ZC2HC1B: variants seen among roughly 807,000 people sequenced by gnomAD.
ZC2HC1B encodes the protein zinc finger C2HC-type containing 1B.
A neutral mutation model predicts 31.0 loss-of-function variants in ZC2HC1B; 36 were observed. That is an observed-to-expected ratio of 1.16 (90% CI 0.89 to 1.54). The LOEUF (loss-of-function observed/expected upper bound fraction) is 1.54. ZC2HC1B is among the 40% of genes most tolerant of loss of function. The pLI is 0.00. For missense variants in ZC2HC1B, 260 were observed against 268.6 expected, an observed-to-expected ratio of 0.97 and a Z score of 0.22; for synonymous variants, 73 against 88.0, an observed-to-expected ratio of 0.83 and a Z score of 0.95.
chr6:143,878,382 G>A (rs1777432354), intron 1 of ZC2HC1B, among the ~76,000 whole-genome samples: 1 of 150,662 alleles, frequency 6.6e-6, no homozygotes, highest in African/African-American at 2.5e-5. Context: ...GGAGGCTGAG[G>A]TGGGAGGATC....
chr6:143,867,696 T>C (rs2128492807), intron 1 of ZC2HC1B, among the ~76,000 whole-genome samples: 1 of 152,220 alleles, frequency 6.6e-6, no homozygotes, highest in East Asian at 1.9e-4. Context: ...TAGAACAAAA[T>C]GGGAGCCAGA....
rs1777506631 is a variant in ZC2HC1B, at chr6:143,884,397, C to T, written c.90+32C>T. 6.6e-7 allele frequency: 1 copy of T among 1,517,386 alleles called. No homozygotes were observed. Among genetic ancestry groups the T allele is most frequent in the Admixed American group, 2.0e-5 (1 of 50,246 alleles). The allele number at this position is 1,517,386 out of a possible 1,614,324, so 94.0% of individuals were successfully genotyped here. A position where few individuals can be genotyped will look rare whatever the true frequency, so the allele number is the denominator to read the frequency against. On this transcript the variant is annotated intron_variant, in intron 2 of 7. Transcript: ENST00000237275. The surrounding 1 kb of genome is among the most constrained non-coding windows in gnomAD (Gnocchi z 5.1). The stretch of plus-strand genomic sequence containing the variant: ...ATAAAGACATTTTGTAGATGTGTTT[C>T]ATTGGACTTAAATGAACTGTCAAGT...
Position 143,899,610 on chromosome 6 carries a change from C to T in ZC2HC1B, c.489+919C>T, listed in dbSNP as rs750022964. Reference sequence around the variant, plus strand: ...CAGGCTGGTCTCAAACTCCTGGGCCCAAGCAATCTGCCCTCTTCAGCCTCC... The same window carrying T: ...CAGGCTGGTCTCAAACTCCTGGGCCTAAGCAATCTGCCCTCTTCAGCCTCC... On this transcript the variant is annotated intron_variant, in intron 5 of 7. Coordinates refer to ENST00000237275, the MANE Select transcript of ZC2HC1B (RefSeq NM_001013623.3). The surrounding 1 kb of genome is among the most constrained non-coding windows in gnomAD (Gnocchi z 5.0). Among the ~76,000 whole-genome samples the T allele has an allele frequency of 9.2e-5, 14 of 152,184 alleles. No homozygotes were observed. Among genetic ancestry groups the T allele is most frequent in the Non-Finnish European group, 1.9e-4 (13 of 68,034 alleles).
intron 4 of ZC2HC1B, among the ~76,000 whole-genome samples, chr6:143,891,873 G>A (rs1034723519): frequency 6.7e-6 from 1 of 149,402 alleles, no homozygotes; most frequent in Non-Finnish European, 1.5e-5. Flanking sequence ...ATGACAACTT[G>A]GTATGGTGTA....
rs1010856615 is a variant in ZC2HC1B, at chr6:143,921,730, G to T, written c.599-15919G>T. ...GGATCACTGGATGCCAGAAGTTCAA[G>T]ACCAGCCTGGGCAACATAGCAAGAC... On this transcript the variant is annotated intron_variant, in intron 6 of 7. Coordinates refer to ENST00000237275, the MANE Select transcript of ZC2HC1B (RefSeq NM_001013623.3). This position sits in a 1 kb window ranked among gnomAD's most constrained non-coding sequence, Gnocchi z 6.1. Among the ~76,000 whole-genome samples, 2 of 152,112 alleles carry T rather than the reference G, an allele frequency of 1.3e-5. No homozygotes were observed. The highest frequency in any genetic ancestry group is 1.3e-4 in the Admixed American group (2 of 15,268).
chr6:143,900,874 T>C lies in ZC2HC1B; in HGVS notation c.490-2170T>C, dbSNP rs181996847. Among the ~76,000 whole-genome samples the C allele has an allele frequency of 6.3e-3, 960 of 152,322 alleles. 10 individuals are homozygous for C. Among genetic ancestry groups the C allele is most frequent in the African/African-American group, 0.022 (923 of 41,570 alleles). On this transcript the variant is annotated intron_variant, in intron 5 of 7. Coordinates refer to ENST00000237275, the MANE Select transcript of ZC2HC1B (RefSeq NM_001013623.3). ...TTGTTTTTGAGATGGAGTCTCACTC[T>C]GTTGCCCAGGCTTGAGTGCAGTGGC...
intron 5 of ZC2HC1B, among the ~76,000 whole-genome samples, chr6:143,900,651 A>C (rs961889278): frequency 6.6e-6 from 1 of 152,126 alleles, no homozygotes; most frequent in Admixed American, 6.5e-5. Context: ...GGAGAATCTA[A>C]GAAATAATTG....
chr6:143,868,302 C>CA lies in ZC2HC1B; in HGVS notation c.28+3736dup, dbSNP rs1276137131. ...AAGGGGAATTTATTAAGTATTAACT[C>CA]ACAATCACAAGGTCCCACAATAGGC... On this transcript the variant is annotated intron_variant, in intron 1 of 7. Transcript: ENST00000237275. This position sits in a 1 kb window ranked among gnomAD's most constrained non-coding sequence, Gnocchi z 4.2. 6.6e-6 allele frequency among the ~76,000 whole-genome samples: 1 copy of CA among 152,114 alleles called. No homozygotes were observed. The highest frequency in any genetic ancestry group is 1.5e-5 in the Non-Finnish European group (1 of 68,022).
intron 4 of ZC2HC1B, among the ~76,000 whole-genome samples, chr6:143,889,875 A>G (rs1383815135): frequency 6.6e-6 from 1 of 152,180 alleles, no homozygotes; most frequent in Non-Finnish European, 1.5e-5. Flanking sequence ...GTTTTCAAGT[A>G]TACGTGGAAC....
Position 143,923,715 on chromosome 6 carries a change from C to T in ZC2HC1B, c.599-13934C>T, listed in dbSNP as rs958419715. On this transcript the variant is annotated intron_variant, in intron 6 of 7. Coordinates refer to ENST00000237275, the MANE Select transcript of ZC2HC1B (RefSeq NM_001013623.3). This position sits in a 1 kb window ranked among gnomAD's most constrained non-coding sequence, Gnocchi z 4.8. Reference sequence around the variant, plus strand: ...CATTATTGAAGAGGATGCCTTTCCCCAATTTATATTCTTAATGGCTTTGTT... The same window carrying T: ...CATTATTGAAGAGGATGCCTTTCCCTAATTTATATTCTTAATGGCTTTGTT... Among the ~76,000 whole-genome samples, 2 of 152,036 alleles carry T rather than the reference C, an allele frequency of 1.3e-5. No homozygotes were observed. The highest frequency in any genetic ancestry group is 2.4e-5 in the African/African-American group (1 of 41,408).
intron 6 of ZC2HC1B, among the ~76,000 whole-genome samples, chr6:143,909,721 T>C (rs1182504201): frequency 1.3e-5 from 2 of 152,146 alleles, no homozygotes; most frequent in East Asian, 3.9e-4. Flanking sequence ...TATTCTCTGA[T>C]GGTTGTTTGT....
At chr6:143,879,686 C>G (rs936959803) in intron 1 of ZC2HC1B, among the ~76,000 whole-genome samples, 10 of 152,100 alleles carry the variant, frequency 6.6e-5, no homozygotes, top group African/African-American at 2.4e-4. Context: ...TTCTTAACTT[C>G]CAGCTCAAGA....
At position 143,898,564 on chromosome 6, in the gene ZC2HC1B, G is replaced by C; in HGVS notation, c.362G>C (p.Arg121Pro). 1 of 1,551,624 alleles carries C rather than the reference G, an allele frequency of 6.4e-7. No homozygotes were observed. The highest frequency in any genetic ancestry group is 2.0e-5 in the Admixed American group (1 of 51,002). Residue 121 changes from arginine (R) to proline (P), a missense_variant, in exon 5 of 8, where the codon CGT (arginine) becomes CCT (proline). Arg to Pro is a moderately radical substitution (Grantham distance 103, BLOSUM62 -2). Coordinates refer to ENST00000237275, the MANE Select transcript of ZC2HC1B (RefSeq NM_001013623.3). ...TCTTTACATTCAGATTATATTCAAC[G>C]TCCATATTGTATGAGAAGGTTTAAT... The part of the protein sequence containing the change: ...PPSLNPDYIQ[R>P]PYCMRRFNES...
chr6:143,926,626 C>G (rs568075661), intron 6 of ZC2HC1B, among the ~76,000 whole-genome samples: 1 of 151,848 alleles, frequency 6.6e-6, no homozygotes, highest in African/African-American at 2.4e-5. Context: ...CTTTTAGGTA[C>G]GTTGATCTGA....
At chr6:143,927,019 C>T (rs1470055916) in intron 6 of ZC2HC1B, among the ~76,000 whole-genome samples, 5 of 146,456 alleles carry the variant, frequency 3.4e-5, no homozygotes, top group African/African-American at 7.7e-5. Context: ...AGGATGGTCT[C>T]GATCTCCTGA....
Position 143,887,693 on chromosome 6 carries a change from A to G in ZC2HC1B, c.349+872A>G, listed in dbSNP as rs1274291743. On this transcript the variant is annotated intron_variant, in intron 4 of 7. Coordinates refer to ENST00000237275, the MANE Select transcript of ZC2HC1B (RefSeq NM_001013623.3). The surrounding 1 kb of genome is among the most constrained non-coding windows in gnomAD (Gnocchi z 5.1). The stretch of plus-strand genomic sequence containing the variant: ...ATGTTCTGTATTTCTCCACTTATTT[A>G]GTCATATTGTTAAATTTTTTCCTCT... Among the ~76,000 whole-genome samples the G allele has an allele frequency of 6.6e-6, 1 of 152,060 alleles. No individual in the cohort carries two copies. The highest frequency in any genetic ancestry group is 6.6e-5 in the Admixed American group (1 of 15,260).
chr6:143,932,239 C>T (rs1330404869), intron 6 of ZC2HC1B, among the ~76,000 whole-genome samples: 1 of 152,186 alleles, frequency 6.6e-6, no homozygotes. Flanking sequence ...CCTCAATTAT[C>T]ATCACAAATA....
At chr6:143,902,230 TG>T (rs1268812349) in intron 5 of ZC2HC1B, among the ~76,000 whole-genome samples, 2 of 152,212 alleles carry the variant, frequency 1.3e-5, no homozygotes, top group Non-Finnish European at 2.9e-5. Flanking sequence ...TATTCAAAAA[TG>T]GAACAAGAAA....
chr6:143,936,187 A>G (rs906026676), intron 6 of ZC2HC1B, among the ~76,000 whole-genome samples: 1 of 152,230 alleles, frequency 6.6e-6, no homozygotes, highest in Non-Finnish European at 1.5e-5. Flanking sequence ...ATGAGAAGAC[A>G]TAGCATGCAC....
Sources: allele counts gnomAD v4.1 joint callset (sites outside exome capture counted in the v4.1 genomes callset), GRCh38; gene constraint gnomAD v4.1.1; non-coding constraint Gnocchi (gnomAD v3.1); transcripts MANE v1.5; gene names NCBI Gene and HGNC (gene_info 2026-07-23, HGNC 2026-07-21).